SLC39A14: variants seen among roughly 807,000 people sequenced by gnomAD.
SLC39A14 encodes metal cation symporter ZIP14.
SLC39A14 carries 19 observed loss-of-function variants against 45.5 expected under a neutral mutation model. The observed-to-expected ratio is 0.42, with a 90% CI of 0.29 to 0.61. The LOEUF (loss-of-function observed/expected upper bound fraction) is 0.61, where lower values mean the gene tolerates loss of function less well. Among genes scored for constraint, SLC39A14 ranks in the 20% least tolerant of loss-of-function variants. The pLI is 0.22. For missense variants in SLC39A14, 447 were observed against 616.5 expected (o/e 0.73, Z 2.91); for synonymous variants, 264 against 251.3 (o/e 1.05, Z -0.48).
intron 1 of SLC39A14, among the ~76,000 whole-genome samples, chr8:22,379,673 G>A (rs2132186877): frequency 6.6e-6 from 1 of 152,320 alleles, no homozygotes; most frequent in Non-Finnish European, 1.5e-5. Flanking sequence ...GCTTACCCCT[G>A]TAATCCCAGC....
At chr8:22,370,027 T>C (rs1370999496) in intron 1 of SLC39A14, among the ~76,000 whole-genome samples, 1 of 152,086 alleles carries the variant, frequency 6.6e-6, no homozygotes, top group African/African-American at 2.4e-5. Context: ...AAACAAACTT[T>C]TTTCTACCTT....
chr8:22,415,703 C>A, intron 5 of SLC39A14, 66 bp from the exon 6 acceptor site: 1 of 1,466,270 alleles, frequency 6.8e-7, no homozygotes, highest in Non-Finnish European at 9.3e-7. Context: ...TTCCTTGGAG[C>A]AGGTGCTCAA....
chr8:22,433,713 C>G (rs1836502050), intron 8 of SLC39A14, among the ~76,000 whole-genome samples: 1 of 151,990 alleles, frequency 6.6e-6, no homozygotes, highest in Non-Finnish European at 1.5e-5. Context: ...GCGCATGCCA[C>G]CACACCTAGC....
chr8:22,373,908 G>A (rs113827144), intron 1 of SLC39A14, among the ~76,000 whole-genome samples: 4,763 of 151,980 alleles, frequency 0.031, 232 homozygotes, highest in African/African-American at 0.11. Flanking sequence ...GCAGACACGC[G>A]CCACCACGCC....
chr8:22,397,995 T>C (rs1220775500), intron 1 of SLC39A14, among the ~76,000 whole-genome samples: 4 of 152,180 alleles, frequency 2.6e-5, no homozygotes, highest in African/African-American at 9.7e-5. Context: ...CCCCTTTCTC[T>C]GTCCCTGAGG....
At chr8:22,400,970 T>C (rs1476608233) in intron 1 of SLC39A14, among the ~76,000 whole-genome samples, 1 of 152,272 alleles carries the variant, frequency 6.6e-6, no homozygotes, top group Non-Finnish European at 1.5e-5. Flanking sequence ...GGCAAGGGCC[T>C]TGCCATATCT....
chr8:22,400,448 T>C (rs111549041), intron 1 of SLC39A14, among the ~76,000 whole-genome samples: 2 of 152,338 alleles, frequency 1.3e-5, no homozygotes, highest in African/African-American at 4.8e-5. Flanking sequence ...GTTTTGACAG[T>C]ACAACTCCTG....
intron 8 of SLC39A14, among the ~76,000 whole-genome samples, chr8:22,428,478 C>A (rs1441703408): frequency 2.1e-5 from 3 of 145,976 alleles, no homozygotes; most frequent in Non-Finnish European, 4.5e-5. Flanking sequence ...AGTCTCACTC[C>A]ATTGCCCAGG....
At chr8:22,425,642 T>C (rs896962141), downstream of SLC39A14, among the ~76,000 whole-genome samples, 2 of 151,938 alleles carry the variant, frequency 1.3e-5, no homozygotes. Context: ...CAAAAAACAG[T>C]TGTATTTCTT....
intron 1 of SLC39A14, among the ~76,000 whole-genome samples, chr8:22,381,565 C>T (rs1215259603): frequency 1.3e-5 from 2 of 152,240 alleles, no homozygotes; most frequent in Admixed American, 6.5e-5. Flanking sequence ...CCATAGCGCC[C>T]GGCCCCTAAA....
At chr8:22,399,169 G>A (rs987489574) in intron 1 of SLC39A14, among the ~76,000 whole-genome samples, 5 of 152,154 alleles carry the variant, frequency 3.3e-5, no homozygotes, top group African/African-American at 1.2e-4. Flanking sequence ...GCTCTCCAGG[G>A]GCCACACATG....
Position 22,419,927 on chromosome 8 carries a change from CT to C in SLC39A14, c.*233del. On this transcript the variant is annotated 3_prime_UTR_variant, in exon 9 of 9. Coordinates refer to ENST00000381237, the MANE Select transcript of SLC39A14 (RefSeq NM_001128431.4). ...GTGCCTCTTGCCCTCTCCTCACCTC[CT>C]TTTCTCTCAGTGACTCTGGAACCTG... 8.1e-7 allele frequency: 1 copy of C among 1,229,514 alleles called. No homozygotes were observed. Among genetic ancestry groups the C allele is most frequent in the Non-Finnish European group, 1.0e-6 (1 of 984,306 alleles). 76.2% of individuals were successfully genotyped at this position (1,229,514 alleles called of 1,614,324 possible). A position where few individuals can be genotyped will look rare whatever the true frequency, so the allele number is the denominator to read the frequency against.
intron 1 of SLC39A14, among the ~76,000 whole-genome samples, chr8:22,381,612 T>C (rs1833520541): frequency 1.3e-5 from 2 of 152,192 alleles, no homozygotes; most frequent in African/African-American, 4.8e-5. Context: ...TGTATATGCC[T>C]ATACTTTCAG....
At chr8:22,399,515 A>G (rs1339465693) in intron 1 of SLC39A14, among the ~76,000 whole-genome samples, 1 of 152,184 alleles carries the variant, frequency 6.6e-6, no homozygotes, top group East Asian at 1.9e-4. Context: ...GTGCTCGCTG[A>G]ATCTGCACAC....
chr8:22,389,338 A>C (rs79887740), intron 1 of SLC39A14, among the ~76,000 whole-genome samples: 1 of 152,136 alleles, frequency 6.6e-6, no homozygotes, highest in Non-Finnish European at 1.5e-5. Flanking sequence ...AAATTACCAC[A>C]CAAGACTCTG....
chr8:22,421,801 C>G lies in SLC39A14; in HGVS notation c.*2103C>G, dbSNP rs1836243855. On this transcript the variant is annotated 3_prime_UTR_variant, in exon 9 of 9. Transcript: ENST00000381237. ...ATACTAAGTTAGAGTTAGTGGATTT[C>G]TAGTTTAGGAGAGGAGCTCAAAACT... 1.0e-6 allele frequency: 1 copy of G among 984,222 alleles called. No individual in the cohort carries two copies. Among genetic ancestry groups the G allele is most frequent in the Non-Finnish European group, 1.2e-6 (1 of 828,848 alleles). The allele number at this position is 984,222 out of a possible 1,614,324, so 61.0% of individuals were successfully genotyped here. A position where few individuals can be genotyped will look rare whatever the true frequency, so the allele number is the denominator to read the frequency against.
At position 22,420,789 on chromosome 8, in the gene SLC39A14, G is replaced by A; in HGVS notation, c.*1091G>A. 1 of 985,406 alleles carries A rather than the reference G, an allele frequency of 1.0e-6. No individual in the cohort carries two copies. Among genetic ancestry groups the A allele is most frequent in the Non-Finnish European group, 1.2e-6 (1 of 829,926 alleles). 61.0% of individuals were successfully genotyped at this position (985,406 alleles called of 1,614,324 possible). A position where few individuals can be genotyped will look rare whatever the true frequency, so the allele number is the denominator to read the frequency against. On this transcript the variant is annotated 3_prime_UTR_variant, in exon 9 of 9. Transcript: ENST00000381237. Reference sequence around the variant, plus strand: ...ATGACTAATAGGGGGTCTCTGAAATGTAAGGGCACAAACTTCACTTAGGGC... The same window carrying A: ...ATGACTAATAGGGGGTCTCTGAAATATAAGGGCACAAACTTCACTTAGGGC...
At chr8:22,425,890 T>TTTTTG (rs143717964), downstream of SLC39A14, among the ~76,000 whole-genome samples, 879 of 124,208 alleles carry the variant, frequency 7.1e-3, 13 homozygotes, top group Non-Finnish European at 0.011. Flanking sequence ...ATGGTTTTTG[T>TTTTTG]TTTTTTTTTG....
intron 1 of SLC39A14, among the ~76,000 whole-genome samples, chr8:22,388,828 T>A (rs1307138753): frequency 1.3e-5 from 2 of 152,182 alleles, no homozygotes; most frequent in African/African-American, 4.8e-5. Flanking sequence ...GGAATTATGA[T>A]TCACTTGTCT....
Sources: gnomAD v4.1 joint callset for allele counts (sites outside exome capture counted in the v4.1 genomes callset) on GRCh38, gnomAD v4.1.1 for gene constraint, MANE v1.5 for transcripts, NCBI Gene and HGNC (gene_info 2026-07-23, HGNC 2026-07-21) for gene names.